Variants in NT5C2 observed in about 807,000 individuals in gnomAD.
NT5C2 encodes cytosolic purine 5'-nucleotidase.
Under a neutral mutation model 76.1 loss-of-function variants are expected in NT5C2, and 58 were observed. The ratio of observed to expected loss-of-function variants is 0.76; its 90% confidence interval spans 0.62 to 0.95. The LOEUF is 0.95. NT5C2 is among the 40% of genes least tolerant of loss of function. The pLI is 0.00. For synonymous variants in NT5C2, 229 were observed against 237.4 expected, an observed-to-expected ratio of 0.96 and a Z score of 0.32; for missense variants, 478 against 690.3, an observed-to-expected ratio of 0.69 and a Z score of 3.45.
chr10:103,098,749 A>G (rs1227475100), intron 10 of NT5C2, 182 bp downstream of exon 10: 6 of 540,876 alleles, frequency 1.1e-5, no homozygotes, highest in Non-Finnish European at 1.6e-5. Flanking sequence ...CTATCAAGAA[A>G]CAGGAAAAAC....
chr10:103,187,235 G>A lies in NT5C2; in HGVS notation c.-168-5907C>T, dbSNP rs149416144. ...TCTACACTCCAGCTTGGGCAACACA[G>A]AGAGACTCCACCTTAAAAAAATAAA... On this transcript the variant is annotated intron_variant, in intron 1 of 18. Transcript: ENST00000404739. Among the ~76,000 whole-genome samples the A allele has an allele frequency of 7.5e-4, 114 of 151,598 alleles. 1 individual carries two copies. The highest frequency in any genetic ancestry group is 2.7e-3 in the African/African-American group (111 of 41,286).
chr10:103,123,861 A>G (rs899507590), intron 4 of NT5C2, among the ~76,000 whole-genome samples: 4 of 152,106 alleles, frequency 2.6e-5, no homozygotes, highest in African/African-American at 4.8e-5. Flanking sequence ...GGGGGAAAAA[A>G]AAAGTCATTA....
At chr10:103,189,590 G>T (rs1353969222) in intron 1 of NT5C2, among the ~76,000 whole-genome samples, 1 of 148,788 alleles carries the variant, frequency 6.7e-6, no homozygotes, top group East Asian at 2.0e-4. Context: ...TGGCGACAGA[G>T]CGAGACTCCA....
chr10:103,152,586 AT>A (rs1330276272), intron 3 of NT5C2, among the ~76,000 whole-genome samples: 16 of 152,148 alleles, frequency 1.1e-4, no homozygotes, highest in South Asian at 2.1e-4. Context: ...TTTTTAAAGA[AT>A]TTTTTTGAGA....
At position 103,089,782 on chromosome 10, in the gene NT5C2, G is replaced by A. The variant is rs745326714; in HGVS notation, c.1576C>T (p.Arg526Trp). 3.7e-6 allele frequency: 6 copies of A among 1,614,048 alleles called. No individual in the cohort carries two copies. Among genetic ancestry groups the A allele is most frequent in the South Asian group, 2.2e-5 (2 of 91,062 alleles). ...DTDYKRHQLTRSISEIKPPNL... is the reference protein window; with the variant it reads ...DTDYKRHQLTWSISEIKPPNL... ...GGAGGTTTAATCTCACTAATTGACC[G>A]TGTCAGCTGGTGCCGCTTGTAGTCA... Residue 526 changes from arginine to tryptophan, a missense_variant, in exon 19 of 19, where the codon CGG becomes TGG. Physicochemically the swap from Arg to Trp is moderately radical, Grantham distance 101 (BLOSUM62 -3). Transcript: ENST00000404739.
At chr10:103,183,080 A>C (rs2091369830) in intron 1 of NT5C2, among the ~76,000 whole-genome samples, 1 of 152,016 alleles carries the variant, frequency 6.6e-6, no homozygotes, top group Admixed American at 6.6e-5. Flanking sequence ...ATGCAAGTTT[A>C]CTTTAATTCA....
intron 2 of NT5C2, among the ~76,000 whole-genome samples, chr10:103,178,063 C>A (rs2090343100): frequency 6.6e-6 from 1 of 152,176 alleles, no homozygotes; most frequent in South Asian, 2.1e-4. Context: ...TTTCAGTTGG[C>A]ATAGTATTTT....
chr10:103,153,215 A>C lies in NT5C2; in HGVS notation c.102-13736T>G, dbSNP rs148123652. The stretch of plus-strand genomic sequence containing the variant: ...CACTCTCGGACTGGTAGCACTGCTT[A>C]TTAATCTTTTAATTCATGCAGATGA... On this transcript the variant is annotated intron_variant, in intron 3 of 18. Coordinates refer to ENST00000404739, the MANE Select transcript of NT5C2 (RefSeq NM_001351169.2). 7.5e-4 allele frequency: 812 copies of C among 1,078,086 alleles called. 6 individuals carry two copies. The African/African-American group carries it at 0.013, about 17-fold the overall frequency. The allele number at this position is 1,078,086 out of a possible 1,614,324, so 66.8% of individuals were successfully genotyped here.
At chr10:103,181,476 A>G (rs1351603616) in intron 1 of NT5C2, among the ~76,000 whole-genome samples, 148 bp from the exon 2 acceptor site, 1 of 152,206 alleles carries the variant, frequency 6.6e-6, no homozygotes, top group Non-Finnish European at 1.5e-5. Flanking sequence ...AGAGCAACTG[A>G]AACTGTAGGG....
chr10:103,088,298 C>G lies in NT5C2; in HGVS notation c.*1374G>C, dbSNP rs529558966. The G allele has an allele frequency of 2.0e-5, 3 of 152,356 alleles. No homozygotes were observed. In the East Asian group the frequency reaches 5.8e-4, roughly 29 times the overall value. 9.4% of individuals were successfully genotyped at this position (152,356 alleles called of 1,614,324 possible). A position where few individuals can be genotyped will look rare whatever the true frequency, so the allele number is the denominator to read the frequency against. ...GTTTAAAATGTTGAAACAACTTTCA[C>G]TGTACTGGTGAAACAGTTTTAATAC... On this transcript the variant is annotated 3_prime_UTR_variant, in exon 19 of 19. Coordinates refer to ENST00000404739, the MANE Select transcript of NT5C2 (RefSeq NM_001351169.2).
At chr10:103,186,827 A>G in intron 1 of NT5C2, among the ~76,000 whole-genome samples, 1 of 149,862 alleles carries the variant, frequency 6.7e-6, no homozygotes, top group East Asian at 2.0e-4. Flanking sequence ...GCAGAGGAAC[A>G]GCTTGAACCC....
intron 1 of NT5C2, among the ~76,000 whole-genome samples, chr10:103,187,947 C>T (rs1243032837): frequency 1.3e-5 from 2 of 152,126 alleles, no homozygotes; most frequent in Non-Finnish European, 2.9e-5. Flanking sequence ...TATTCTGACC[C>T]AAAATCAGAG....
At chr10:103,115,762 T>C (rs1295022973) in intron 4 of NT5C2, among the ~76,000 whole-genome samples, 2 of 152,140 alleles carry the variant, frequency 1.3e-5, no homozygotes, top group South Asian at 4.1e-4. Context: ...AAACTAAGTA[T>C]AGACTCATAT....
At chr10:103,153,620 G>C (rs2082784532) in intron 3 of NT5C2, 1 of 985,270 alleles carries the variant, frequency 1.0e-6, no homozygotes, top group African/African-American at 1.7e-5. Context: ...GTAAGAGACA[G>C]GAATCGTTAC....
intron 3 of NT5C2, among the ~76,000 whole-genome samples, chr10:103,171,756 G>T (rs2088072417): frequency 6.6e-6 from 1 of 152,142 alleles, no homozygotes. Context: ...AAAGAGTTAA[G>T]TAAAAAGAAA....
chr10:103,139,441 T>C lies in NT5C2; in HGVS notation c.140A>G (p.Lys47Arg). The change falls in exon 4 of 19, where the codon AAG becomes AGG. Residue 47 changes from lysine to arginine, a missense_variant. Physicochemically the swap from Lys to Arg is conservative, Grantham distance 26. Coordinates refer to ENST00000404739, the MANE Select transcript of NT5C2 (RefSeq NM_001351169.2). ...VNRSLAMEKI[K>R]CFGFDMDYTL... ...ATAATCCATATCAAAACCAAAACAC[T>C]TTATCTTTTCCATTGCTAAACTTCG... 1.3e-6 allele frequency: 2 copies of C among 1,582,666 alleles called. No individual in the cohort carries two copies. Among genetic ancestry groups the C allele is most frequent in the Non-Finnish European group, 1.7e-6 (2 of 1,161,004 alleles).
At chr10:103,159,911 T>C (rs2084388843) in intron 3 of NT5C2, among the ~76,000 whole-genome samples, 1 of 152,148 alleles carries the variant, frequency 6.6e-6, no homozygotes, top group Non-Finnish European at 1.5e-5. Context: ...GACAAGCTGA[T>C]CCTAAGATTC....
At chr10:103,135,900 C>A (rs1411701689) in intron 4 of NT5C2, among the ~76,000 whole-genome samples, 1 of 151,836 alleles carries the variant, frequency 6.6e-6, no homozygotes, top group East Asian at 1.9e-4. Flanking sequence ...GCCTGGGTAA[C>A]CTGGTGAAAC....
intron 4 of NT5C2, among the ~76,000 whole-genome samples, chr10:103,124,533 T>C (rs2076314007): frequency 6.6e-6 from 1 of 152,182 alleles, no homozygotes; most frequent in Non-Finnish European, 1.5e-5. Context: ...TTCAGTATAT[T>C]AATACCTTGG....
Sources: gnomAD v4.1 joint callset for allele counts (sites outside exome capture counted in the v4.1 genomes callset) on GRCh38, gnomAD v4.1.1 for gene constraint, MANE v1.5 for transcripts, NCBI Gene and HGNC (gene_info 2026-07-23, HGNC 2026-07-21) for gene names.